The following IL4R variants were observed in gnomAD, a reference collection of about 807,000 sequenced individuals.
The protein encoded by IL4R is interleukin-4 receptor subunit alpha.
IL4R carries 17 observed loss-of-function variants against 41.5 expected under a neutral mutation model. The observed-to-expected ratio is 0.41, with a 90% CI of 0.28 to 0.61. The LOEUF (loss-of-function observed/expected upper bound fraction) is 0.61, where lower values mean the gene tolerates loss of function less well. Ranked by LOEUF, IL4R falls within the 20% of genes least tolerant of loss-of-function variation. The pLI is 0.31. For synonymous variants in IL4R, 402 were observed against 422.9 expected (o/e 0.95, Z 0.61); for missense variants, 974 against 1,043.1 (o/e 0.93, Z 0.91).
rs759552353 is a variant in IL4R at position 27,362,598 on chromosome 16, G to A, written c.1246G>A (p.Gly416Arg). 1.5e-5 allele frequency: 24 copies of A among 1,614,052 alleles called. No homozygotes were observed. The highest frequency in any genetic ancestry group is 4.5e-5 in the East Asian group (2 of 44,894). The change falls in exon 11 of 11, where the codon GGA (glycine) becomes AGA (arginine). Residue 416 changes from glycine (G) to arginine (R), a missense_variant. By Grantham distance (125) the Gly-to-Arg change is moderately radical (BLOSUM62 -2). Around this residue, in one of 3 missense-constraint regions of IL4R, gnomAD observed 682 missense variants for 704.3 expected, o/e 0.97. Transcript: ENST00000395762. ...AGAGAGCCTGTTCCTGGACCTGCTCGGAGAGGAGAATGGGGGCTTTTGCCA... is the reference window on the plus strand; with the variant it reads ...AGAGAGCCTGTTCCTGGACCTGCTCAGAGAGGAGAATGGGGGCTTTTGCCA... ...LTESLFLDLL[G>R]EENGGFCQQD...
At chr16:27,350,919 A>C (rs1420063775) in intron 6 of IL4R, among the ~76,000 whole-genome samples, 1 of 152,146 alleles carries the variant, frequency 6.6e-6, no homozygotes, top group African/African-American at 2.4e-5. Flanking sequence ...ATACAAGCAA[A>C]TGTGTGTGTT....
chr16:27,336,009 G>A (rs1287983834), intron 2 of IL4R, among the ~76,000 whole-genome samples: 2 of 152,060 alleles, frequency 1.3e-5, no homozygotes, highest in Admixed American at 6.6e-5. Flanking sequence ...AGGTATTGGG[G>A]TAATTTATTC....
chr16:27,347,960 G>T (rs1194719516), intron 6 of IL4R, among the ~76,000 whole-genome samples: 1 of 151,992 alleles, frequency 6.6e-6, no homozygotes. Context: ...AGGCCACAGA[G>T]ATCCCCATCT....
chr16:27,364,118 G>A lies in IL4R; in HGVS notation c.*288G>A, dbSNP rs955170276. On this transcript the variant is annotated 3_prime_UTR_variant, in exon 11 of 11. Coordinates refer to ENST00000395762, the MANE Select transcript of IL4R (RefSeq NM_000418.4). ...GAAAACTGAGGCCCTTGGGCACCTC[G>A]ACTTGTGAACGAGTTGTTGGCTGCT... 4 of 390,314 alleles carry A rather than the reference G, an allele frequency of 1.0e-5. No homozygotes were observed. Among genetic ancestry groups the A allele is most frequent in the Admixed American group, 4.2e-5 (1 of 23,892 alleles). The allele number at this position is 390,314 out of a possible 1,614,324, so 24.2% of individuals were successfully genotyped here.
intron 3 of IL4R, among the ~76,000 whole-genome samples, chr16:27,340,918 G>A (rs185157199): frequency 1.3e-5 from 2 of 152,362 alleles, no homozygotes; most frequent in East Asian, 3.9e-4. Context: ...CACTGAGCCT[G>A]GCGGGAGGGT....
chr16:27,345,143 T>G lies in IL4R; in HGVS notation c.361+123T>G. 9.3e-7 allele frequency: 1 copy of G among 1,077,340 alleles called. No individual in the cohort carries two copies. The highest frequency in any genetic ancestry group is 2.6e-5 in the East Asian group (1 of 39,208). The allele number at this position is 1,077,340 out of a possible 1,614,324, so 66.7% of individuals were successfully genotyped here. A position where few individuals can be genotyped will look rare whatever the true frequency, so the allele number is the denominator to read the frequency against. ...ACAGCAGGAGGAAGCCGCCTGTATT[T>G]TCCCAAATCTGATGGGATTCCTGCC... On this transcript the variant is annotated intron_variant, in intron 5 of 10. Transcript: ENST00000395762. The surrounding 1 kb of genome is among the most constrained non-coding windows in gnomAD (Gnocchi z 4.5).
intron 1 of IL4R, among the ~76,000 whole-genome samples, chr16:27,329,214 A>C (rs1005228381): frequency 2.0e-5 from 3 of 152,080 alleles, no homozygotes; most frequent in Non-Finnish European, 4.4e-5. Flanking sequence ...AAGCTCCCTG[A>C]GGCCTCCCCA....
chr16:27,343,619 G>C (rs1363567525), intron 4 of IL4R, among the ~76,000 whole-genome samples: 1 of 152,084 alleles, frequency 6.6e-6, no homozygotes, highest in East Asian at 1.9e-4. Flanking sequence ...GTAGAGACCG[G>C]TTTTCATCAT....
chr16:27,358,976 A>G lies in IL4R; in HGVS notation c.831A>G (p.Ile277Met). 3.1e-6 allele frequency: 5 copies of G among 1,613,610 alleles called. No individual in the cohort carries two copies. The highest frequency in any genetic ancestry group is 2.5e-6 in the Non-Finnish European group (3 of 1,179,524). ...PNPARSRLVAIIIQDAQGSQW... is the reference protein window; with the variant it reads ...PNPARSRLVAMIIQDAQGSQW... ...CAGCCCGCAGCCGCCTCGTGGCTAT[A>G]ATAATCCAGGATGCTCAGGTAGGAG... The change falls in exon 9 of 11, where the codon ATA (isoleucine) becomes ATG (methionine). Residue 277 changes from isoleucine to methionine, a missense_variant. Physicochemically the swap from Ile to Met is conservative, Grantham distance 10. Around this residue, in one of 3 missense-constraint regions of IL4R, gnomAD observed 682 missense variants for 704.3 expected, o/e 0.97. Transcript: ENST00000395762.
At chr16:27,325,934 A>G (rs1380602004) in intron 1 of IL4R, among the ~76,000 whole-genome samples, 1 of 152,120 alleles carries the variant, frequency 6.6e-6, no homozygotes, top group African/African-American at 2.4e-5. Context: ...GGAAAAGGCC[A>G]ATGGCTGTGG....
chr16:27,361,135 A>C, intron 10 of IL4R: 1 of 832,706 alleles, frequency 1.2e-6, no homozygotes, highest in Non-Finnish European at 1.6e-6. Context: ...ACTATCCTGA[A>C]CACTCCCCTC....
chr16:27,351,291 C>T (rs1473719021), intron 6 of IL4R, among the ~76,000 whole-genome samples: 1 of 152,150 alleles, frequency 6.6e-6, no homozygotes. Flanking sequence ...AGAGACTTGC[C>T]TAGCAAGTAG....
At chr16:27,337,649 G>A (rs1254305702) in intron 2 of IL4R, among the ~76,000 whole-genome samples, 2 of 149,210 alleles carry the variant, frequency 1.3e-5, no homozygotes. Context: ...GTGCCATCTC[G>A]GCTCACCACA....
chr16:27,317,217 C>T (rs2084675646), intron 1 of IL4R, among the ~76,000 whole-genome samples: 1 of 152,200 alleles, frequency 6.6e-6, no homozygotes, highest in South Asian at 2.1e-4. Flanking sequence ...ATGAATAAAT[C>T]TTTACTGTTG....
chr16:27,327,177 C>G (rs376322957), intron 1 of IL4R, among the ~76,000 whole-genome samples: 1 of 152,268 alleles, frequency 6.6e-6, no homozygotes, highest in South Asian at 2.1e-4. Flanking sequence ...CTGGATTCCT[C>G]TCCACATGCC....
chr16:27,332,346 G>C (rs1033344794), intron 2 of IL4R, among the ~76,000 whole-genome samples: 7 of 152,054 alleles, frequency 4.6e-5, no homozygotes, highest in South Asian at 2.1e-4. Flanking sequence ...CAAGGAAAGG[G>C]GGGGAAAGCC....
intron 2 of IL4R, among the ~76,000 whole-genome samples, chr16:27,334,015 T>C (rs1256242934): frequency 1.3e-5 from 2 of 152,038 alleles, no homozygotes; most frequent in Admixed American, 6.6e-5. Flanking sequence ...CCTGAGTAGC[T>C]GGGACTACAG....
intron 2 of IL4R, among the ~76,000 whole-genome samples, chr16:27,338,117 T>C (rs9940480): frequency 0.46 from 70,019 of 151,286 alleles, 16,582 homozygotes; most frequent in African/African-American, 0.53. Context: ...CCACCACACT[T>C]GGCTAATTTT....
chr16:27,317,649 G>A (rs935207014), intron 1 of IL4R, among the ~76,000 whole-genome samples: 7 of 152,136 alleles, frequency 4.6e-5, no homozygotes, highest in Non-Finnish European at 7.3e-5. Context: ...ATTGCTCTGC[G>A]TCTCTGAGCT....
Sources: allele counts gnomAD v4.1 joint callset (sites outside exome capture counted in the v4.1 genomes callset), GRCh38; gene constraint gnomAD v4.1.1; regional missense constraint gnomAD v4.1.1; non-coding constraint Gnocchi (gnomAD v3.1); transcripts MANE v1.5; gene names NCBI Gene and HGNC (gene_info 2026-07-23, HGNC 2026-07-21).